PRDM5: variants seen among roughly 807,000 people sequenced by gnomAD.
The protein encoded by PRDM5 is PR domain zinc finger protein 5.
PRDM5 carries 56 observed loss-of-function variants against 81.2 expected under a neutral mutation model. That is an observed-to-expected ratio of 0.69 (90% confidence interval 0.56 to 0.86). PRDM5 has a LOEUF of 0.86. Ranked by LOEUF, PRDM5 falls within the 40% of genes least tolerant of loss-of-function variation. The pLI is 0.00. For missense variants in PRDM5, 697 were observed against 770.1 expected (o/e 0.91, Z 1.12); for synonymous variants, 267 against 256.4 (o/e 1.04, Z -0.39).
intron 11 of PRDM5, among the ~76,000 whole-genome samples, chr4:120,784,508 A>G (rs556935161): frequency 6.6e-6 from 1 of 152,236 alleles, no homozygotes; most frequent in Admixed American, 6.6e-5. Context: ...TGAGTATGTC[A>G]TGGTGCTTTG....
intron 14 of PRDM5, among the ~76,000 whole-genome samples, chr4:120,750,718 A>ACACGCG (rs1240938492): frequency 1.5e-4 from 23 of 149,910 alleles, no homozygotes; most frequent in Non-Finnish European, 3.4e-4. Context: ...ACACACACAC[A>ACACGCG]CGCGCACACA....
At chr4:120,699,168 ATATATATAT>A (rs1734960737) in intron 15 of PRDM5, among the ~76,000 whole-genome samples, 20 of 29,180 alleles carry the variant, frequency 6.9e-4, no homozygotes, top group Middle Eastern at 0.017. Flanking sequence ...ATAAATATAT[ATATATATAT>A]ATATATATAT....
chr4:120,699,183 TA>T (rs1276084363), intron 15 of PRDM5, among the ~76,000 whole-genome samples: 11 of 113,480 alleles, frequency 9.7e-5, no homozygotes, highest in East Asian at 2.5e-4. Context: ...TATATATATA[TA>T]TATATATATA....
At chr4:120,863,191 T>TATACACACACAC (rs1553997193) in intron 2 of PRDM5, among the ~76,000 whole-genome samples, 191 of 70,276 alleles carry the variant, frequency 2.7e-3, no homozygotes, top group Middle Eastern at 9.4e-3. Context: ...TATATATATA[T>TATACACACACAC]ACACACACAC....
intron 14 of PRDM5, among the ~76,000 whole-genome samples, chr4:120,747,623 G>A (rs560954399): frequency 1.8e-4 from 27 of 152,250 alleles, no homozygotes; most frequent in Non-Finnish European, 3.4e-4. Context: ...TCAAGGCAAA[G>A]TGCAAAAGGC....
At chr4:120,763,737 A>T (rs1745967449) in intron 13 of PRDM5, among the ~76,000 whole-genome samples, 1 of 152,200 alleles carries the variant, frequency 6.6e-6, no homozygotes, top group Non-Finnish European at 1.5e-5. Flanking sequence ...CCAAAGTTTT[A>T]TTTAACCCAA....
At chr4:120,751,544 G>A (rs1359754373) in intron 14 of PRDM5, among the ~76,000 whole-genome samples, 2 of 151,612 alleles carry the variant, frequency 1.3e-5, no homozygotes, top group African/African-American at 4.8e-5. Flanking sequence ...ACTAAAGATA[G>A]CAGACTACAG....
intron 15 of PRDM5, among the ~76,000 whole-genome samples, chr4:120,705,241 C>T (rs1470696144): frequency 6.6e-6 from 1 of 152,116 alleles, no homozygotes; most frequent in Non-Finnish European, 1.5e-5. Flanking sequence ...ACATGCCAGG[C>T]ACTGTTCTAG....
chr4:120,691,143 A>G (rs1734033215), downstream of PRDM5, among the ~76,000 whole-genome samples: 1 of 152,112 alleles, frequency 6.6e-6, no homozygotes, highest in Non-Finnish European at 1.5e-5. Flanking sequence ...AAGAAGAGGA[A>G]TTTGGACATT....
intron 2 of PRDM5, among the ~76,000 whole-genome samples, chr4:120,906,493 T>G (rs1765808992): frequency 6.6e-6 from 1 of 152,236 alleles, no homozygotes; most frequent in South Asian, 2.1e-4. Context: ...AAGTAACACA[T>G]GCATATATAA....
chr4:120,747,213 T>C (rs1455347436), intron 14 of PRDM5, among the ~76,000 whole-genome samples: 2 of 148,442 alleles, frequency 1.3e-5, no homozygotes, highest in Non-Finnish European at 3.0e-5. Flanking sequence ...ATATTCTCAC[T>C]GATAGGTGGG....
intron 15 of PRDM5, among the ~76,000 whole-genome samples, chr4:120,710,014 G>A (rs996192728): frequency 2.0e-5 from 3 of 152,208 alleles, no homozygotes; most frequent in Non-Finnish European, 4.4e-5. Flanking sequence ...AAATCATCAT[G>A]CTTTTACACC....
At chr4:120,811,506 A>T in intron 7 of PRDM5, 57 bp from the exon 8 acceptor site, 1 of 1,139,236 alleles carries the variant, frequency 8.8e-7, no homozygotes, top group South Asian at 1.3e-5. Flanking sequence ...GAGGAAAAAC[A>T]AATAGTGTTT....
intron 7 of PRDM5, chr4:120,816,162 C>A: frequency 2.6e-6 from 1 of 379,890 alleles, no homozygotes; most frequent in Non-Finnish European, 4.8e-6. Flanking sequence ...AAAATTGTTA[C>A]TTAAAAATAT....
intron 8 of PRDM5, among the ~76,000 whole-genome samples, chr4:120,799,960 C>T (rs1249359766): frequency 6.6e-6 from 1 of 152,126 alleles, no homozygotes; most frequent in African/African-American, 2.4e-5. Context: ...ACATAATACT[C>T]ACAGTCCTTA....
chr4:120,774,521 G>A lies in PRDM5; in HGVS notation c.1537+2667C>T, dbSNP rs187160417. ...TACTGAACCAGGCTGTAGCCTGGGA[G>A]GGCAAATGGATGCTTATCATTTGAG... On this transcript the variant is annotated intron_variant, in intron 13 of 15. Coordinates refer to ENST00000264808, the MANE Select transcript of PRDM5 (RefSeq NM_018699.4). Among the ~76,000 whole-genome samples, 10 of 152,314 alleles carry A rather than the reference G, an allele frequency of 6.6e-5. No individual in the cohort carries two copies. In the East Asian group the frequency reaches 1.9e-3, roughly 29 times the overall value.
intron 14 of PRDM5, among the ~76,000 whole-genome samples, chr4:120,736,219 G>A (rs1273085670): frequency 2.0e-5 from 3 of 151,498 alleles, no homozygotes; most frequent in African/African-American, 7.3e-5. Context: ...GTGTGTGTGT[G>A]TGTGTGTGTG....
intron 15 of PRDM5, among the ~76,000 whole-genome samples, chr4:120,701,988 C>G (rs1012914926): frequency 7.2e-5 from 11 of 152,150 alleles, no homozygotes; most frequent in African/African-American, 1.9e-4. Flanking sequence ...ACAACTTCCC[C>G]TCTCTGCAGG....
downstream of PRDM5, among the ~76,000 whole-genome samples, chr4:120,690,628 T>C (rs1419006756): frequency 6.6e-6 from 1 of 152,124 alleles, no homozygotes; most frequent in East Asian, 1.9e-4. Context: ...TATTAGATAG[T>C]CTGTAAGAAG....
Sources: gnomAD v4.1 joint callset for allele counts (sites outside exome capture counted in the v4.1 genomes callset) on GRCh38, gnomAD v4.1.1 for gene constraint, MANE v1.5 for transcripts, NCBI Gene and HGNC (gene_info 2026-07-23, HGNC 2026-07-21) for gene names.